Variants in TRERF1 observed in about 807,000 individuals in gnomAD.
TRERF1 encodes the protein transcriptional-regulating factor 1.
In TRERF1, 27 loss-of-function variants were observed where a neutral mutation model predicts 122.9. That is an observed-to-expected ratio of 0.22 (90% confidence interval 0.16 to 0.30). The LOEUF is 0.30. Ranked by LOEUF, TRERF1 falls within the 10% of genes least tolerant of loss-of-function variation. TRERF1 has a pLI of 1.00. For missense variants in TRERF1, 1,248 were observed against 1,560.3 expected, an observed-to-expected ratio of 0.80 and a Z score of 3.37; for synonymous variants, 636 against 641.7, an observed-to-expected ratio of 0.99 and a Z score of 0.13.
At chr6:42,442,078 T>G (rs1052743537) in intron 2 of TRERF1, among the ~76,000 whole-genome samples, 5 of 152,162 alleles carry the variant, frequency 3.3e-5, no homozygotes, top group Non-Finnish European at 7.4e-5. Flanking sequence ...TCAGCTCGCA[T>G]GTATTCACCC....
At chr6:42,451,975 C>T (rs1788635557) in intron 1 of TRERF1, 49 bp from the exon 1 acceptor site, 1 of 152,768 alleles carries the variant, frequency 6.5e-6, no homozygotes, top group African/African-American at 2.4e-5. Flanking sequence ...CGCCCCTCCC[C>T]CGGTCGCAGC....
chr6:42,414,283 CT>C (rs892730585), intron 2 of TRERF1, among the ~76,000 whole-genome samples: 9 of 152,002 alleles, frequency 5.9e-5, no homozygotes, highest in Non-Finnish European at 4.4e-5. Flanking sequence ...AACATTCACA[CT>C]TTTTTTTAAT....
chr6:42,451,699 T>A (rs954980888), intron 1 of TRERF1, among the ~76,000 whole-genome samples: 25 of 146,668 alleles, frequency 1.7e-4, no homozygotes, highest in African/African-American at 6.1e-4. Context: ...CAGGCTCTCC[T>A]GATGCTGGAA....
intron 2 of TRERF1, among the ~76,000 whole-genome samples, chr6:42,418,324 C>T (rs571753825): frequency 1.8e-4 from 23 of 125,568 alleles, no homozygotes; most frequent in African/African-American, 6.3e-4. Context: ...AGCTAGAGTT[C>T]AATGGCGCGA....
At chr6:42,351,304 C>T (rs1340112058) in intron 3 of TRERF1, among the ~76,000 whole-genome samples, 1 of 152,070 alleles carries the variant, frequency 6.6e-6, no homozygotes, top group Non-Finnish European at 1.5e-5. Flanking sequence ...AGGAATACTC[C>T]AAGATTTATG....
At chr6:42,403,113 G>A (rs941369056) in intron 2 of TRERF1, among the ~76,000 whole-genome samples, 40 of 152,186 alleles carry the variant, frequency 2.6e-4, no homozygotes, top group African/African-American at 7.5e-4. Flanking sequence ...AGCGGCTCAC[G>A]AGACAGAGAC....
intron 2 of TRERF1, among the ~76,000 whole-genome samples, chr6:42,423,410 G>A (rs1162924745): frequency 6.6e-6 from 1 of 152,118 alleles, no homozygotes; most frequent in African/African-American, 2.4e-5. Context: ...AGCTCTGCTT[G>A]CTAACCCTGG....
chr6:42,359,673 G>A (rs953485667), intron 3 of TRERF1, among the ~76,000 whole-genome samples: 2 of 152,108 alleles, frequency 1.3e-5, no homozygotes, highest in African/African-American at 2.4e-5. Context: ...GCAGTGAGCC[G>A]AGATCGCACC....
intron 2 of TRERF1, among the ~76,000 whole-genome samples, chr6:42,433,001 C>G (rs974811451): frequency 1.3e-5 from 2 of 151,990 alleles, no homozygotes; most frequent in African/African-American, 2.4e-5. Context: ...AGAACAGCTA[C>G]ATAAGATAGA....
chr6:42,418,262 C>T (rs957594540), intron 2 of TRERF1, among the ~76,000 whole-genome samples: 50 of 5,380 alleles, frequency 9.3e-3, no homozygotes, highest in Middle Eastern at 0.25. Context: ...CTCTTTCTTT[C>T]TTTCTTTTTT....
chr6:42,277,670 G>C (rs935521967), intron 4 of TRERF1, among the ~76,000 whole-genome samples: 4 of 152,056 alleles, frequency 2.6e-5, no homozygotes, highest in Admixed American at 2.6e-4. Context: ...AGGCAACATA[G>C]TGAGACCCCA....
At position 42,334,814 on chromosome 6, in the gene TRERF1, C is replaced by T. The variant is rs192347648; in HGVS notation, c.-371+28183G>A. Among the ~76,000 whole-genome samples the T allele has an allele frequency of 4.2e-3, 645 of 152,304 alleles. 25 individuals are homozygous for T. Among genetic ancestry groups the T allele is most frequent in the Admixed American group, 0.041 (620 of 15,300 alleles). On this transcript the variant is annotated intron_variant, in intron 3 of 17. Transcript: ENST00000372922. ...CTGATGTTTCAAAGCTCTGAGTGAG[C>T]GGCAGAGCACCAAGGAGCCCCACGT...
chr6:42,392,033 C>T (rs949465001), intron 2 of TRERF1, among the ~76,000 whole-genome samples: 1 of 152,200 alleles, frequency 6.6e-6, no homozygotes, highest in Non-Finnish European at 1.5e-5. Context: ...CAGCCTCTAT[C>T]TCCTTCCCAT....
intron 2 of TRERF1, among the ~76,000 whole-genome samples, chr6:42,398,289 C>T (rs371909421): frequency 2.6e-5 from 4 of 152,204 alleles, no homozygotes; most frequent in African/African-American, 9.7e-5. Context: ...GAACATTTTG[C>T]AAAACCATTA....
chr6:42,252,663 G>T (rs1272352903), intron 13 of TRERF1, among the ~76,000 whole-genome samples: 1 of 152,218 alleles, frequency 6.6e-6, no homozygotes, highest in African/African-American at 2.4e-5. Flanking sequence ...AAGCAAATGA[G>T]GGGGTTCAGC....
At chr6:42,449,530 T>C (rs1306143571) in intron 2 of TRERF1, among the ~76,000 whole-genome samples, 1 of 150,838 alleles carries the variant, frequency 6.6e-6, no homozygotes, top group African/African-American at 2.4e-5. Flanking sequence ...ATAAATCTCA[T>C]AAATATAAGG....
intron 2 of TRERF1, among the ~76,000 whole-genome samples, chr6:42,411,532 C>A (rs750527540): frequency 2.6e-5 from 4 of 152,292 alleles, no homozygotes; most frequent in South Asian, 4.1e-4. Flanking sequence ...GACACAGGAA[C>A]GAGGCAGGAG....
intron 4 of TRERF1, among the ~76,000 whole-genome samples, chr6:42,288,277 T>TAGGGCCG (rs201747947): frequency 0.027 from 4,133 of 152,006 alleles, 56 homozygotes; most frequent in Non-Finnish European, 0.037. Flanking sequence ...AGCTATAAGA[T>TAGGGCCG]AGGGCCGAGG....
intron 2 of TRERF1, among the ~76,000 whole-genome samples, chr6:42,397,374 T>C (rs139472712): frequency 1.1e-4 from 16 of 152,296 alleles, no homozygotes; most frequent in Admixed American, 7.8e-4. Context: ...CGGGATGTAC[T>C]GTAGAATGAC....
Sources: gnomAD v4.1 joint callset for allele counts (sites outside exome capture counted in the v4.1 genomes callset) on GRCh38, gnomAD v4.1.1 for gene constraint, MANE v1.5 for transcripts, NCBI Gene and HGNC (gene_info 2026-07-23, HGNC 2026-07-21) for gene names.